The following ERCC6 variants were observed in gnomAD, a reference collection of about 807,000 sequenced individuals.
ERCC6 encodes DNA excision repair protein ERCC-6.
ERCC6 carries 116 observed loss-of-function variants against 158.7 expected under a neutral mutation model. The ratio of observed to expected loss-of-function variants is 0.73; its 90% confidence interval spans 0.63 to 0.85. The LOEUF is 0.85. ERCC6 is among the 40% of genes least tolerant of loss of function. ERCC6 has a pLI of 0.00. For missense variants in ERCC6, 1,698 were observed against 1,799.4 expected, an observed-to-expected ratio of 0.94 and a Z score of 1.02; for synonymous variants, 678 against 659.3, an observed-to-expected ratio of 1.03 and a Z score of -0.43.
intron 1 of ERCC6, among the ~76,000 whole-genome samples, chr10:49,538,041 G>A (rs1209459989): frequency 1.3e-5 from 2 of 152,234 alleles, no homozygotes; most frequent in African/African-American, 4.8e-5. Flanking sequence ...AATGCAAGAA[G>A]GCTGGAACAC....
chr10:49,492,879 C>T (rs924030265), intron 8 of ERCC6, among the ~76,000 whole-genome samples: 1 of 152,170 alleles, frequency 6.6e-6, no homozygotes, highest in Non-Finnish European at 1.5e-5. Context: ...TCGTATTTTA[C>T]TGGACAACAG....
intron 7 of ERCC6, among the ~76,000 whole-genome samples, chr10:49,499,294 A>G (rs1444722683): frequency 6.6e-6 from 1 of 152,214 alleles, no homozygotes; most frequent in Non-Finnish European, 1.5e-5. Context: ...GTTCTAAAAT[A>G]TTCTAAAACT....
At chr10:49,489,875 GAA>G (rs1851142194) in intron 8 of ERCC6, among the ~76,000 whole-genome samples, 1 of 152,146 alleles carries the variant, frequency 6.6e-6, no homozygotes, top group Non-Finnish European at 1.5e-5. Context: ...TTTCCCCAAG[GAA>G]AGAGTTGGCT....
chr10:49,535,369 C>G (rs558016536), intron 1 of ERCC6, among the ~76,000 whole-genome samples: 1 of 152,300 alleles, frequency 6.6e-6, no homozygotes, highest in South Asian at 2.1e-4. Context: ...AAGGCTCTGA[C>G]AGGTACCTAA....
intron 10 of ERCC6, among the ~76,000 whole-genome samples, chr10:49,479,674 C>A (rs975734901): frequency 2.0e-5 from 3 of 152,124 alleles, no homozygotes; most frequent in Admixed American, 6.5e-5. Flanking sequence ...AGAAAACTGC[C>A]CCCACATCCT....
At chr10:49,539,215 G>A (rs541664126), upstream of ERCC6, among the ~76,000 whole-genome samples, 27 of 152,394 alleles carry the variant, frequency 1.8e-4, no homozygotes, top group Non-Finnish European at 3.2e-4. Context: ...TTGCGTGCGA[G>A]CAGGGCGAGA....
chr10:49,474,954 A>G (rs1850849524), intron 12 of ERCC6, among the ~76,000 whole-genome samples: 2 of 152,202 alleles, frequency 1.3e-5, no homozygotes, highest in South Asian at 4.1e-4. Context: ...TGAGCAGAGG[A>G]GAAATCACCA....
chr10:49,476,355 T>A, intron 11 of ERCC6, 45 bp from the exon 12 acceptor site: 1 of 1,282,074 alleles, frequency 7.8e-7, no homozygotes, highest in Non-Finnish European at 1.1e-6. Context: ...AAAAAAAAAA[T>A]TAACAGAAAT....
At position 49,532,918 on chromosome 10, in the gene ERCC6, T is replaced by A; in HGVS notation, c.47A>T (p.Asp16Val). The change falls in exon 2 of 21, where the codon GAC (aspartate) becomes GTC (valine). Residue 16 changes from aspartate to valine, a missense_variant. Coordinates refer to ENST00000355832, the MANE Select transcript of ERCC6 (RefSeq NM_000124.4). ...ACTGACAGGTTGACTCTGTAAACAG[T>A]CTTGCTCCTGAGTTTGACTTGAGTG... ...IPHSSQTQEQ[D>V]CLQSQPVSNN... 1.9e-6 allele frequency: 3 copies of A among 1,614,250 alleles called. No homozygotes were observed.
At chr10:49,519,242 T>C (rs915363389) in intron 5 of ERCC6, among the ~76,000 whole-genome samples, 4 of 152,208 alleles carry the variant, frequency 2.6e-5, no homozygotes, top group Non-Finnish European at 5.9e-5. Context: ...GAAGGAAACA[T>C]GTATGTAGAG....
At chr10:49,525,254 T>C (rs935660991) in intron 4 of ERCC6, 26 of 180,722 alleles carry the variant, frequency 1.4e-4, no homozygotes, top group Non-Finnish European at 2.3e-5. Flanking sequence ...AAATGTCAGC[T>C]CTATGCTGCC....
chr10:49,536,530 A>G (rs1415736690), intron 1 of ERCC6, among the ~76,000 whole-genome samples: 1 of 152,226 alleles, frequency 6.6e-6, no homozygotes, highest in African/African-American at 2.4e-5. Context: ...TACAGACAAA[A>G]TATCCCACAA....
chr10:49,473,730 G>A (rs2132541358), intron 13 of ERCC6, 143 bp from the exon 14 acceptor site: 3 of 721,644 alleles, frequency 4.2e-6, no homozygotes, highest in East Asian at 5.2e-5. Flanking sequence ...AAACAGAACT[G>A]TTAAAAGAGT....
At chr10:49,486,249 A>G (rs1331143434) in intron 8 of ERCC6, among the ~76,000 whole-genome samples, 1 of 152,148 alleles carries the variant, frequency 6.6e-6, no homozygotes, top group Non-Finnish European at 1.5e-5. Context: ...AAAATAAAAC[A>G]TTTACAAAGA....
chr10:49,515,113 A>T, intron 5 of ERCC6: 2 of 1,075,206 alleles, frequency 1.9e-6, no homozygotes, highest in Non-Finnish European at 2.4e-6. Flanking sequence ...AAACATCTTT[A>T]ACCCATTTAT....
At chr10:49,461,595 G>A in intron 18 of ERCC6, 39 bp from the exon 19 acceptor site, 1 of 1,572,358 alleles carries the variant, frequency 6.4e-7, no homozygotes, top group Non-Finnish European at 8.7e-7. Flanking sequence ...ATTTCACTCT[G>A]TATGCAAGAA....
At chr10:49,517,509 A>T (rs1021421813) in intron 5 of ERCC6, among the ~76,000 whole-genome samples, 2 of 152,244 alleles carry the variant, frequency 1.3e-5, no homozygotes, top group African/African-American at 4.8e-5. Flanking sequence ...TAGGGCATGA[A>T]TAACTCCCAC....
chr10:49,487,073 C>T (rs948252344), intron 8 of ERCC6, among the ~76,000 whole-genome samples: 38 of 152,258 alleles, frequency 2.5e-4, no homozygotes, highest in African/African-American at 8.7e-4. Flanking sequence ...TAAAATTCAA[C>T]ATCTTCAAAA....
intron 3 of ERCC6, among the ~76,000 whole-genome samples, chr10:49,528,776 GCA>G (rs1837401319): frequency 2.0e-5 from 3 of 152,166 alleles, no homozygotes; most frequent in African/African-American, 7.2e-5. Context: ...CCTGAGGACG[GCA>G]GACTGCCTTC....
Sources: gnomAD v4.1 joint callset for allele counts (sites outside exome capture counted in the v4.1 genomes callset) on GRCh38, gnomAD v4.1.1 for gene constraint, MANE v1.5 for transcripts, NCBI Gene and HGNC (gene_info 2026-07-23, HGNC 2026-07-21) for gene names.